Variants in SREBF2 observed in about 807,000 individuals in gnomAD.
SREBF2 encodes sterol regulatory element binding transcription factor 2, also known as sterol regulatory element-binding protein 2.
A neutral mutation model predicts 113.1 loss-of-function variants in SREBF2; 55 were observed. The ratio of observed to expected loss-of-function variants is 0.49; its 90% CI spans 0.39 to 0.61. SREBF2 has a LOEUF of 0.61. Ranked by LOEUF, SREBF2 falls within the 20% of genes least tolerant of loss-of-function variation. The pLI is 0.00. For synonymous variants in SREBF2, 593 were observed against 605.7 expected (o/e 0.98, Z 0.31); for missense variants, 1,349 against 1,487.4 (o/e 0.91, Z 1.53).
At chr22:41,871,063 CTCCCTCCCCCTTTAT>C in intron 4 of SREBF2, 28 bp downstream of exon 4, 1 of 1,613,740 alleles carries the variant, frequency 6.2e-7, no homozygotes. Flanking sequence ...CCCCACCCTC[CTCCCTCCCCCTTTAT>C]TCCTGGAGGT....
intron 12 of SREBF2, 145 bp downstream of exon 12, chr22:41,893,430 G>T: frequency 9.9e-7 from 1 of 1,007,534 alleles, no homozygotes. Context: ...TTGTTTGTTT[G>T]AACCAAAGCT....
At chr22:41,893,029 C>T in intron 11 of SREBF2, 88 bp from the exon 12 acceptor site, 1 of 1,516,492 alleles carries the variant, frequency 6.6e-7, no homozygotes, top group South Asian at 1.1e-5. Flanking sequence ...CAAAGCCCAC[C>T]TCCACCATGG....
intron 15 of SREBF2, 172 bp from the exon 16 acceptor site, chr22:41,900,158 C>A (rs2077452914): frequency 1.3e-6 from 2 of 1,503,090 alleles, no homozygotes; most frequent in Admixed American, 4.0e-5. Context: ...TAGCTCAGGG[C>A]TGGCATTTCA....
At chr22:41,874,497 T>C (rs543048919) in intron 5 of SREBF2, among the ~76,000 whole-genome samples, 1 of 152,356 alleles carries the variant, frequency 6.6e-6, no homozygotes, top group East Asian at 1.9e-4. Context: ...TTCTAGAAAG[T>C]AGGAGATTTT....
At chr22:41,846,858 T>C (rs1033761310) in intron 1 of SREBF2, among the ~76,000 whole-genome samples, 3 of 152,244 alleles carry the variant, frequency 2.0e-5, no homozygotes, top group African/African-American at 7.2e-5. Context: ...ACTTGTCTGT[T>C]CTTGCCCTTG....
intron 4 of SREBF2, 173 bp from the exon 5 acceptor site, chr22:41,873,625 G>A (rs2077166229): frequency 1.2e-5 from 8 of 661,982 alleles, no homozygotes; most frequent in Non-Finnish European, 1.9e-5. Flanking sequence ...CCAAGGTTCC[G>A]TGGCTCCTGA....
intron 5 of SREBF2, among the ~76,000 whole-genome samples, chr22:41,875,096 C>G (rs2077182491): frequency 6.6e-6 from 1 of 152,310 alleles, no homozygotes; most frequent in Non-Finnish European, 1.5e-5. Context: ...TCATTTAGCC[C>G]TGCTGCAAGC....
intron 1 of SREBF2, among the ~76,000 whole-genome samples, chr22:41,853,863 G>A (rs1471468262): frequency 6.6e-6 from 1 of 151,722 alleles, no homozygotes; most frequent in Non-Finnish European, 1.5e-5. Context: ...GTGAAACCCC[G>A]TCTCTACTAA....
chr22:41,899,548 A>T, intron 15 of SREBF2: 2 of 992,768 alleles, frequency 2.0e-6, no homozygotes, highest in Non-Finnish European at 2.4e-6. Context: ...GAAGGAGCTG[A>T]GAAGAGTGAG....
chr22:41,880,289 C>T (rs758024688), intron 9 of SREBF2, among the ~76,000 whole-genome samples: 3 of 151,864 alleles, frequency 2.0e-5, no homozygotes, highest in Admixed American at 6.6e-5. Context: ...TGGTGGCTCA[C>T]GCCTGTAATC....
At chr22:41,884,010 G>A (rs569198195) in intron 10 of SREBF2, among the ~76,000 whole-genome samples, 1 of 152,140 alleles carries the variant, frequency 6.6e-6, no homozygotes, top group African/African-American at 2.4e-5. Flanking sequence ...ACCTCTCATA[G>A]GGGAGGGTGT....
chr22:41,894,160 C>T (rs977303323), intron 12 of SREBF2, among the ~76,000 whole-genome samples: 1 of 152,186 alleles, frequency 6.6e-6, no homozygotes, highest in Non-Finnish European at 1.5e-5. Context: ...TCTCTGGCTC[C>T]AGGCCTTGTT....
At chr22:41,862,616 TC>T (rs1383502290) in intron 1 of SREBF2, among the ~76,000 whole-genome samples, 2 of 152,226 alleles carry the variant, frequency 1.3e-5, no homozygotes, top group African/African-American at 2.4e-5. Context: ...ATGTGAATGA[TC>T]AGAGCAGGGA....
At chr22:41,865,153 AC>A (rs2077063691) in intron 1 of SREBF2, among the ~76,000 whole-genome samples, 2 of 151,454 alleles carry the variant, frequency 1.3e-5, no homozygotes, top group Admixed American at 6.6e-5. Context: ...AAAAACACAC[AC>A]ACACACACAC....
At chr22:41,850,875 G>A (rs1310136940) in intron 1 of SREBF2, among the ~76,000 whole-genome samples, 6 of 152,064 alleles carry the variant, frequency 3.9e-5, no homozygotes, top group Non-Finnish European at 5.9e-5. Context: ...CGAGTAGCTC[G>A]GATTACAGGT....
chr22:41,852,998 C>T (rs758959197), intron 1 of SREBF2, among the ~76,000 whole-genome samples: 15 of 152,130 alleles, frequency 9.9e-5, no homozygotes, highest in Non-Finnish European at 1.3e-4. Flanking sequence ...GATCCACCCG[C>T]CTTGGCGTCC....
chr22:41,893,182 G>A lies in SREBF2; in HGVS notation c.2274G>A (p.Leu758=). 6.2e-7 allele frequency: 1 copy of A among 1,614,152 alleles called. No individual in the cohort carries two copies. The highest frequency in any genetic ancestry group is 8.5e-7 in the Non-Finnish European group (1 of 1,180,044). ...GPEHSAVPDS[L]RWLCHPLGQK... ...AGCACAGTGCTGTTCCTGACTCCCT[G>A]CGCTGGCTCTGCCACCCCCTGGGCC... The change falls in exon 12 of 19, where the codon CTG becomes CTA. Residue 758 remains leucine (L), a synonymous_variant. Coordinates refer to ENST00000361204, the MANE Select transcript of SREBF2 (RefSeq NM_004599.4).
At chr22:41,880,437 T>C (rs1248121109) in intron 9 of SREBF2, among the ~76,000 whole-genome samples, 1 of 150,506 alleles carries the variant, frequency 6.6e-6, no homozygotes, top group East Asian at 1.9e-4. Flanking sequence ...GAGGGAACTC[T>C]GACCAGCATT....
chr22:41,887,845 T>A (rs1200878811), intron 11 of SREBF2, among the ~76,000 whole-genome samples: 4 of 152,194 alleles, frequency 2.6e-5, no homozygotes, highest in Non-Finnish European at 4.4e-5. Context: ...TCAATTTTTT[T>A]AAGCCCTTCT....
Sources: allele counts gnomAD v4.1 joint callset (sites outside exome capture counted in the v4.1 genomes callset), GRCh38; gene constraint gnomAD v4.1.1; transcripts MANE v1.5; gene names NCBI Gene and HGNC (gene_info 2026-07-23, HGNC 2026-07-21).